NUP155: variants seen among roughly 807,000 people sequenced by gnomAD.
NUP155 encodes the protein nuclear pore complex protein Nup155.
A neutral mutation model predicts 180.4 loss-of-function variants in NUP155; 71 were observed. The observed-to-expected ratio is 0.39, with a 90% CI of 0.33 to 0.48. The LOEUF (loss-of-function observed/expected upper bound fraction) is 0.48, where lower values mean the gene tolerates loss of function less well. NUP155 is among the 20% of genes least tolerant of loss of function. The pLI, the probability that NUP155 is intolerant of heterozygous loss-of-function variation, is 0.91. For synonymous variants in NUP155, 582 were observed against 559.5 expected (o/e 1.04, Z -0.57); for missense variants, 1,553 against 1,648.9 (o/e 0.94, Z 1.01).
intron 23 of NUP155, among the ~76,000 whole-genome samples, chr5:37,309,934 G>A (rs1743418742): frequency 6.6e-6 from 1 of 151,978 alleles, no homozygotes; most frequent in Non-Finnish European, 1.5e-5. Flanking sequence ...TGTAATCCCA[G>A]CTATTTGGGA....
Position 37,294,592 on chromosome 5 carries a change from G to T in NUP155, c.3794-127C>A, listed in dbSNP as rs537868869. The T allele has an allele frequency of 2.3e-5, 21 of 927,250 alleles. 1 individual carries two copies. The Middle Eastern group carries it at 2.7e-3, about 118-fold the overall frequency. The allele number at this position is 927,250 out of a possible 1,614,324, so 57.4% of individuals were successfully genotyped here. A position where few individuals can be genotyped will look rare whatever the true frequency, so the allele number is the denominator to read the frequency against. On this transcript the variant is annotated intron_variant, in intron 32 of 34. Transcript: ENST00000231498. ...AAATCCAATTGCAATTTTTTGGGGC[G>T]GGGGGTTTTTTTTGCTATGTTGCCC... is the stretch of plus-strand genomic sequence containing the variant.
In NUP155 at chr5:37,344,803, T is replaced by C. The variant is rs1224125615; in HGVS notation, c.996-2157A>G. Among the ~76,000 whole-genome samples the C allele has an allele frequency of 3.6e-5, 5 of 140,794 alleles. No individual in the cohort carries two copies. The East Asian group carries it at 1.0e-3, about 29-fold the overall frequency. The allele number at this position is 140,794 out of a possible 152,430, so 92.4% of individuals were successfully genotyped here. ...AGGAGAACTGCTTGAACCCGGGAGG[T>C]GGAGGTTGCAGTGAGCCAAGATCGT... On this transcript the variant is annotated intron_variant, in intron 9 of 34. Coordinates refer to ENST00000231498, the MANE Select transcript of NUP155 (RefSeq NM_153485.3).
At chr5:37,340,089 GGT>G (rs1209973163) in intron 11 of NUP155, among the ~76,000 whole-genome samples, 1 of 152,038 alleles carries the variant, frequency 6.6e-6, no homozygotes, top group Non-Finnish European at 1.5e-5. Flanking sequence ...AAATTAACAA[GGT>G]GATTCTAAAA....
At chr5:37,336,291 G>A (rs558693054) in intron 12 of NUP155, among the ~76,000 whole-genome samples, 28 of 152,198 alleles carry the variant, frequency 1.8e-4, no homozygotes, top group Non-Finnish European at 3.2e-4. Flanking sequence ...GACTAGTCTG[G>A]GCAATATAGT....
At chr5:37,366,970 G>T (rs539944048) in intron 1 of NUP155, among the ~76,000 whole-genome samples, 9 of 151,784 alleles carry the variant, frequency 5.9e-5, no homozygotes, top group Non-Finnish European at 1.2e-4. Context: ...TCTTGACCTC[G>T]TAATCCGCCT....
At chr5:37,331,381 C>T (rs542103119) in intron 14 of NUP155, among the ~76,000 whole-genome samples, 1 of 152,188 alleles carries the variant, frequency 6.6e-6, no homozygotes, top group East Asian at 1.9e-4. Context: ...TCGAGACCAG[C>T]CTGACCAACA....
chr5:37,355,178 G>T (rs1581205485), intron 4 of NUP155, among the ~76,000 whole-genome samples: 1 of 151,982 alleles, frequency 6.6e-6, no homozygotes, highest in African/African-American at 2.4e-5. Flanking sequence ...CTTAGGCCTT[G>T]CAAAAAAGTA....
intron 1 of NUP155, among the ~76,000 whole-genome samples, chr5:37,365,260 A>AAAATAAAT (rs139866282): frequency 1.1e-3 from 170 of 149,738 alleles, no homozygotes; most frequent in Non-Finnish European, 2.0e-3. Flanking sequence ...CTCTGTCTCA[A>AAAATAAAT]AAATAAATAA....
chr5:37,348,307 A>T (rs532767250), intron 9 of NUP155, among the ~76,000 whole-genome samples, 198 bp downstream of exon 9: 11 of 151,634 alleles, frequency 7.3e-5, no homozygotes, highest in African/African-American at 2.2e-4. Context: ...CTGTCTCAAA[A>T]AAATAAATAA....
chr5:37,307,405 A>G lies in NUP155; in HGVS notation c.2795T>C (p.Leu932Pro). 1 of 1,614,028 alleles carries G rather than the reference A, an allele frequency of 6.2e-7. No homozygotes were observed. The highest frequency in any genetic ancestry group is 8.5e-7 in the Non-Finnish European group (1 of 1,179,962). ...TTTTTTCTCTGCAGCCGTAAGAGAA[A>G]GTTCCACCACACCCTCATAAAATCT... ...QVRFYEGVVE[L>P]SLTAAEKKDP... Residue 932 changes from leucine to proline, a missense_variant, in exon 25 of 35, where the codon CTT becomes CCT. Physicochemically the swap from Leu to Pro is moderately conservative, Grantham distance 98 (BLOSUM62 -3). Transcript: ENST00000231498.
chr5:37,309,335 A>T, intron 23 of NUP155, 68 bp from the exon 24 acceptor site: 2 of 1,286,190 alleles, frequency 1.6e-6, no homozygotes, highest in Non-Finnish European at 2.2e-6. Flanking sequence ...CTGTCAACTA[A>T]GTTTTAGTCT....
chr5:37,357,980 G>C, intron 4 of NUP155, 101 bp downstream of exon 4: 2 of 824,178 alleles, frequency 2.4e-6, no homozygotes, highest in South Asian at 1.3e-5. Context: ...TCGATGGAAC[G>C]AGACTCCATC....
intron 5 of NUP155, among the ~76,000 whole-genome samples, chr5:37,351,871 AGTGTGTGTGT>A (rs141685160): frequency 1.3e-5 from 2 of 148,540 alleles, no homozygotes; most frequent in South Asian, 2.1e-4. Flanking sequence ...AGAGTGTGTG[AGTGTGTGTGT>A]GTGTGTGTGT....
chr5:37,293,851 T>G lies in NUP155; in HGVS notation c.3930+478A>C, dbSNP rs940409645. 2.6e-3 allele frequency among the ~76,000 whole-genome samples: 284 copies of G among 108,734 alleles called. 16 individuals are homozygous for G. Among genetic ancestry groups the G allele is most frequent in the Non-Finnish European group, 2.1e-3 (127 of 61,836 alleles). The allele number at this position is 108,734 out of a possible 152,430, so 71.3% of individuals were successfully genotyped here. A position where few individuals can be genotyped will look rare whatever the true frequency, so the allele number is the denominator to read the frequency against. On this transcript the variant is annotated intron_variant, in intron 33 of 34. Coordinates refer to ENST00000231498, the MANE Select transcript of NUP155 (RefSeq NM_153485.3). ...CGTCTCTACTAAAAATACAAAAAAT[T>G]AGCCGGGCGCGGTGGCGGGCGCCTG...
rs1486535235 is a variant in NUP155 at position 37,290,718 on chromosome 5, A to G, written c.*1182T>C. The stretch of plus-strand genomic sequence containing the variant: ...AGATAGGTAGCTCAGTCCATAAACT[A>G]TGGAAGGTAGCAGTATCCTTTACTG... On this transcript the variant is annotated 3_prime_UTR_variant, in exon 35 of 35. Coordinates refer to ENST00000231498, the MANE Select transcript of NUP155 (RefSeq NM_153485.3). 1.3e-5 allele frequency: 2 copies of G among 152,194 alleles called. No individual in the cohort carries two copies. Among genetic ancestry groups the G allele is most frequent in the African/African-American group, 4.8e-5 (2 of 41,450 alleles). The allele number at this position is 152,194 out of a possible 1,614,324, so 9.4% of individuals were successfully genotyped here. A position where few individuals can be genotyped will look rare whatever the true frequency, so the allele number is the denominator to read the frequency against.
intron 24 of NUP155, among the ~76,000 whole-genome samples, chr5:37,308,159 TA>T (rs1288818827): frequency 6.6e-6 from 1 of 152,006 alleles, no homozygotes; most frequent in Non-Finnish European, 1.5e-5. Flanking sequence ...TAAAACTCAA[TA>T]AAAAATTTTA....
intron 1 of NUP155, among the ~76,000 whole-genome samples, chr5:37,369,423 T>C (rs1747816537): frequency 6.6e-6 from 1 of 152,130 alleles, no homozygotes; most frequent in South Asian, 2.1e-4. Context: ...TGCTAAATTC[T>C]CTGTAATCAG....
intron 27 of NUP155, 63 bp downstream of exon 27, chr5:37,304,676 C>A: frequency 8.6e-7 from 1 of 1,167,302 alleles, no homozygotes. Context: ...TATATATGTG[C>A]TTAAATCATT....
intron 19 of NUP155, among the ~76,000 whole-genome samples, chr5:37,324,616 G>A (rs1484986485): frequency 6.6e-6 from 1 of 151,634 alleles, no homozygotes; most frequent in Non-Finnish European, 1.5e-5. Context: ...GTAGTGGCGC[G>A]GATCATATCT....
Sources: allele counts gnomAD v4.1 joint callset (sites outside exome capture counted in the v4.1 genomes callset), GRCh38; gene constraint gnomAD v4.1.1; transcripts MANE v1.5; gene names NCBI Gene and HGNC (gene_info 2026-07-23, HGNC 2026-07-21).